DLGAP1: variants seen among roughly 807,000 people sequenced by gnomAD.
The protein encoded by DLGAP1 is DLG associated protein 1, also known as disks large-associated protein 1.
A neutral mutation model predicts 90.8 loss-of-function variants in DLGAP1; 11 were observed. That is an observed-to-expected ratio of 0.12 (90% confidence interval 0.08 to 0.20). DLGAP1 has a LOEUF of 0.20. Ranked by LOEUF, DLGAP1 falls within the 10% of genes least tolerant of loss-of-function variation. The pLI, the probability that DLGAP1 is intolerant of heterozygous loss-of-function variation, is 1.00. For missense variants in DLGAP1, 1,050 were observed against 1,333.8 expected, an observed-to-expected ratio of 0.79 and a Z score of 3.31; for synonymous variants, 558 against 540.7, an observed-to-expected ratio of 1.03 and a Z score of -0.44.
In DLGAP1 at chr18:3,655,256, C is replaced by T. The variant is rs139114954; in HGVS notation, c.1592-73008G>A. Among the ~76,000 whole-genome samples the T allele has an allele frequency of 6.6e-3, 997 of 152,156 alleles. 7 individuals carry two copies. The highest frequency in any genetic ancestry group is 0.011 in the Non-Finnish European group (745 of 67,992). ...GCATGGCCGACAAACTCCCAATAAACGAGAACACACACCCCCCCAAAACAA... is the reference window on the plus strand; with the variant it reads ...GCATGGCCGACAAACTCCCAATAAATGAGAACACACACCCCCCCAAAACAA... On this transcript the variant is annotated intron_variant, in intron 7 of 12. Coordinates refer to ENST00000315677, the MANE Select transcript of DLGAP1 (RefSeq NM_004746.4).
intron 1 of DLGAP1, among the ~76,000 whole-genome samples, chr18:4,329,525 T>C (rs1228878249): frequency 2.0e-5 from 3 of 151,958 alleles, no homozygotes; most frequent in Non-Finnish European, 4.4e-5. Context: ...TCTACTATAA[T>C]GTTTTATAGG....
chr18:3,639,815 C>T (rs796467327), intron 7 of DLGAP1, among the ~76,000 whole-genome samples: 26 of 128,428 alleles, frequency 2.0e-4, no homozygotes, highest in South Asian at 7.2e-4. Flanking sequence ...AGTGCAGTGG[C>T]GCGATCTCGG....
chr18:4,057,366 G>C (rs928639972), intron 2 of DLGAP1, among the ~76,000 whole-genome samples: 4 of 152,160 alleles, frequency 2.6e-5, no homozygotes, highest in African/African-American at 9.7e-5. Context: ...TTATTGGTAA[G>C]GGAAAAACAC....
intron 3 of DLGAP1, among the ~76,000 whole-genome samples, chr18:3,920,352 CAAAAA>C (rs34353326): frequency 1.3e-5 from 1 of 75,530 alleles, no homozygotes; most frequent in African/African-American, 5.4e-5. Context: ...AGACTCTGTC[CAAAAA>C]AAAAAAAAAA....
chr18:4,095,388 T>G (rs1463699274), intron 2 of DLGAP1, among the ~76,000 whole-genome samples: 1 of 152,188 alleles, frequency 6.6e-6, no homozygotes, highest in East Asian at 1.9e-4. Flanking sequence ...TAGACATAGA[T>G]GTATCCCCAT....
At chr18:4,093,899 T>C (rs2143786379) in intron 2 of DLGAP1, among the ~76,000 whole-genome samples, 1 of 152,334 alleles carries the variant, frequency 6.6e-6, no homozygotes, top group Middle Eastern at 3.4e-3. Flanking sequence ...GCTTTTGACA[T>C]GCTAATGTTC....
intron 11 of DLGAP1, among the ~76,000 whole-genome samples, chr18:3,504,742 G>T (rs1234650780): frequency 1.3e-5 from 2 of 152,176 alleles, no homozygotes; most frequent in African/African-American, 4.8e-5. Context: ...TTCTCATAAA[G>T]AATCTCTTTG....
At chr18:3,524,894 A>C (rs2051500766) in intron 10 of DLGAP1, among the ~76,000 whole-genome samples, 1 of 152,198 alleles carries the variant, frequency 6.6e-6, no homozygotes, top group Non-Finnish European at 1.5e-5. Flanking sequence ...CGGAGCTGCC[A>C]TCAACAAAAC....
chr18:4,005,494 A>G (rs1343611097), intron 2 of DLGAP1, among the ~76,000 whole-genome samples: 1 of 152,114 alleles, frequency 6.6e-6, no homozygotes, highest in African/African-American at 2.4e-5. Flanking sequence ...TTTAAAATAT[A>G]TTTACCCAGT....
intron 5 of DLGAP1, among the ~76,000 whole-genome samples, chr18:3,806,252 A>T (rs951971826): frequency 8.5e-5 from 13 of 152,330 alleles, no homozygotes; most frequent in African/African-American, 2.9e-4. Flanking sequence ...AAAAAACCAC[A>T]ATCCTTTCTT....
rs77429447 is a variant in DLGAP1 at position 3,914,279 on chromosome 18, T to C, written c.-72-34139A>G. ...TTCTACGAGCTCCAGTCTTTTGGAG[T>C]CCACATCTAAGTGAGGTCGTGCAGT... On this transcript the variant is annotated intron_variant, in intron 3 of 12. Coordinates refer to ENST00000315677, the MANE Select transcript of DLGAP1 (RefSeq NM_004746.4). Among the ~76,000 whole-genome samples the C allele has an allele frequency of 7.4e-4, 112 of 152,276 alleles. 1 individual carries two copies. The East Asian group carries it at 0.015, about 20-fold the overall frequency.
chr18:4,251,513 A>C (rs2078778296), intron 1 of DLGAP1, among the ~76,000 whole-genome samples: 1 of 152,210 alleles, frequency 6.6e-6, no homozygotes. Flanking sequence ...CTCAGAGTAA[A>C]AAAATTCAAT....
intron 1 of DLGAP1, among the ~76,000 whole-genome samples, chr18:4,413,597 A>G (rs1228475672): frequency 2.0e-5 from 3 of 152,200 alleles, no homozygotes; most frequent in Non-Finnish European, 2.9e-5. Context: ...GAATTCTAGG[A>G]AAGTTAATCT....
intron 3 of DLGAP1, among the ~76,000 whole-genome samples, chr18:3,967,209 C>T (rs1332520693): frequency 6.6e-6 from 1 of 152,218 alleles, no homozygotes. Flanking sequence ...TCCATAAATA[C>T]TAACTTATCT....
chr18:3,979,739 C>A (rs1568332119), intron 3 of DLGAP1, among the ~76,000 whole-genome samples: 1 of 152,270 alleles, frequency 6.6e-6, no homozygotes, highest in East Asian at 1.9e-4. Flanking sequence ...TGGGAGATGA[C>A]AGGTATGTTA....
rs748408676 is a variant in DLGAP1 at position 4,247,241 on chromosome 18, G to A, written c.-266-95954C>T. On this transcript the variant is annotated intron_variant, in intron 1 of 12. Transcript: ENST00000315677. ...TCACACTGATGTAAGTATTTTTCAC[G>A]TATTAAGTCATTTAATCTTTAGAAC... 7.2e-5 allele frequency among the ~76,000 whole-genome samples: 11 copies of A among 152,066 alleles called. 1 individual carries two copies. In the East Asian group the frequency reaches 2.1e-3, roughly 29 times the overall value.
At chr18:4,088,238 A>G (rs1282128724) in intron 2 of DLGAP1, among the ~76,000 whole-genome samples, 2 of 152,094 alleles carry the variant, frequency 1.3e-5, no homozygotes, top group Non-Finnish European at 2.9e-5. Flanking sequence ...ATAAGGTAGG[A>G]GTCTCACACC....
intron 1 of DLGAP1, among the ~76,000 whole-genome samples, chr18:4,343,627 C>T (rs1375491974): frequency 6.6e-6 from 1 of 151,356 alleles, no homozygotes; most frequent in Non-Finnish European, 1.5e-5. Flanking sequence ...AGGAGGGGAA[C>T]ATCACACACT....
At chr18:4,103,278 A>G (rs932312658) in intron 2 of DLGAP1, among the ~76,000 whole-genome samples, 7 of 152,196 alleles carry the variant, frequency 4.6e-5, no homozygotes, top group African/African-American at 1.7e-4. Context: ...AGGAACTGGT[A>G]TCTTGTTCAG....
Sources: allele counts gnomAD v4.1 joint callset (sites outside exome capture counted in the v4.1 genomes callset), GRCh38; gene constraint gnomAD v4.1.1; transcripts MANE v1.5; gene names NCBI Gene and HGNC (gene_info 2026-07-23, HGNC 2026-07-21).